Variants in ENAM observed in about 807,000 individuals in gnomAD.
ENAM encodes the protein enamelin.
A neutral mutation model predicts 33.6 loss-of-function variants in ENAM; 21 were observed. That is an observed-to-expected ratio of 0.63 (90% CI 0.44 to 0.90). ENAM has a LOEUF of 0.90. Among genes scored for constraint, ENAM ranks in the 40% least tolerant of loss-of-function variants. The pLI, the probability that ENAM is intolerant of heterozygous loss-of-function variation, is 0.00. For synonymous variants in ENAM, 473 were observed against 468.4 expected, an observed-to-expected ratio of 1.01 and a Z score of -0.13; for missense variants, 1,388 against 1,366.9, an observed-to-expected ratio of 1.02 and a Z score of -0.24.
chr4:70,632,719 A>T (rs1313918216), intron 5 of ENAM, 27 bp downstream of exon 5: 2 of 1,516,298 alleles, frequency 1.3e-6, no homozygotes, highest in South Asian at 2.2e-5. Flanking sequence ...GTTATTTCTG[A>T]TGATTTCTTG....
intron 5 of ENAM, among the ~76,000 whole-genome samples, chr4:70,633,924 T>A (rs953125545): frequency 1.3e-5 from 2 of 152,176 alleles, no homozygotes; most frequent in Non-Finnish European, 2.9e-5. Context: ...TATTTTTGTT[T>A]TTTCTCTTCT....
Position 70,644,180 on chromosome 4 carries a change from G to A in ENAM, c.2754G>A (p.Gln918=). Residue 918 remains glutamine, a synonymous_variant, in exon 9 of 9, where the codon CAG becomes CAA. Coordinates refer to ENST00000396073, the MANE Select transcript of ENAM (RefSeq NM_031889.3). ...PLYTDGSHTK[Q]TRDIISPTSI... ...ATACAGACGGTAGTCATACCAAGCA[G>A]ACAAGAGATATCATCTCCCCAACAA... 1 of 1,614,074 alleles carries A rather than the reference G, an allele frequency of 6.2e-7. No homozygotes were observed. The highest frequency in any genetic ancestry group is 8.5e-7 in the Non-Finnish European group (1 of 1,180,016).
chr4:70,634,463 C>T lies in ENAM; in HGVS notation c.366C>T (p.Thr122=). The change falls in exon 6 of 9, where the codon ACC becomes ACT. Residue 122 remains threonine, a synonymous_variant. Coordinates refer to ENST00000396073, the MANE Select transcript of ENAM (RefSeq NM_031889.3). ...RHNKTDQTQE[T]QKPNQTQSKK... is the part of the protein sequence containing the mutation. Reference sequence around the variant, plus strand: ...ACAAGACTGATCAGACCCAAGAAACCCAGAAACCCAACCAGACTCAGTCAA... The same window carrying T: ...ACAAGACTGATCAGACCCAAGAAACTCAGAAACCCAACCAGACTCAGTCAA... 6.2e-7 allele frequency: 1 copy of T among 1,614,038 alleles called. No individual in the cohort carries two copies. The highest frequency in any genetic ancestry group is 8.5e-7 in the Non-Finnish European group (1 of 1,179,998).
Position 70,643,205 on chromosome 4 carries a change from T to C in ENAM, c.1779T>C (p.Gly593=). The change falls in exon 9 of 9, where the codon GGT becomes GGC. Residue 593 remains glycine, a synonymous_variant. Coordinates refer to ENST00000396073, the MANE Select transcript of ENAM (RefSeq NM_031889.3). The part of the protein sequence containing the change: ...QEEHLPHPSH[G]SRGSVFYPEY... Reference sequence around the variant, plus strand: ...AACATTTACCCCATCCTTCCCATGGTTCTAGAGGAAGTGTTTTCTACCCTG... The same window carrying C: ...AACATTTACCCCATCCTTCCCATGGCTCTAGAGGAAGTGTTTTCTACCCTG... 6.2e-7 allele frequency: 1 copy of C among 1,613,660 alleles called. No homozygotes were observed. The highest frequency in any genetic ancestry group is 8.5e-7 in the Non-Finnish European group (1 of 1,179,910).
chr4:70,633,053 C>T (rs1313593461), intron 5 of ENAM, among the ~76,000 whole-genome samples: 5 of 151,966 alleles, frequency 3.3e-5, no homozygotes, highest in African/African-American at 1.2e-4. Flanking sequence ...GTAAGTTTTA[C>T]TTGGATTATC....
chr4:70,633,147 T>C (rs1405812982), intron 5 of ENAM, among the ~76,000 whole-genome samples: 1 of 152,094 alleles, frequency 6.6e-6, no homozygotes, highest in Non-Finnish European at 1.5e-5. Flanking sequence ...ATGCTAATTG[T>C]CAGAACAGAC....
rs1738661029 is a variant in ENAM at position 70,643,378 on chromosome 4, A to C, written c.1952A>C (p.Tyr651Ser). 1 of 1,614,054 alleles carries C rather than the reference A, an allele frequency of 6.2e-7. No individual in the cohort carries two copies. Among genetic ancestry groups the C allele is most frequent in the African/African-American group, 1.3e-5 (1 of 74,926 alleles). The stretch of plus-strand genomic sequence containing the variant: ...CCAGACCAGAAGGAGATAGTCCCTT[A>C]TAATGAAGAGGACCCAGTTGATCCA... Reference protein sequence around the residue: ...NTPDQKEIVPYNEEDPVDPTG... With the variant: ...NTPDQKEIVPSNEEDPVDPTG... The change falls in exon 9 of 9, where the codon TAT becomes TCT. Residue 651 changes from tyrosine (Y) to serine (S), a missense_variant. Physicochemically the swap from Tyr to Ser is moderately radical, Grantham distance 144. Transcript: ENST00000396073.
In ENAM at chr4:70,644,636, C is replaced by T. The variant is rs186447830; in HGVS notation, c.3210C>T (p.Thr1070=). Residue 1070 remains threonine (T), a synonymous_variant, in exon 9 of 9, where the codon ACC becomes ACT. Transcript: ENST00000396073. ...SKLAKHHSST[T]GTPSSDGRQS... ...TAGCAAAGCATCACTCTTCCACCAC[C>T]GGAACTCCATCTAGCGATGGAAGGC... 6.9e-5 allele frequency: 112 copies of T among 1,613,750 alleles called. No homozygotes were observed. The highest frequency in any genetic ancestry group is 9.0e-5 in the Non-Finnish European group (106 of 1,179,852).
intron 5 of ENAM, among the ~76,000 whole-genome samples, chr4:70,633,899 T>C (rs1738384771): frequency 1.3e-5 from 2 of 152,176 alleles, no homozygotes; most frequent in Admixed American, 6.6e-5. Flanking sequence ...GTTTACAGTC[T>C]CACTTCCTTT....
chr4:70,633,207 A>G (rs141926401), intron 5 of ENAM, among the ~76,000 whole-genome samples: 18 of 152,252 alleles, frequency 1.2e-4, no homozygotes, highest in African/African-American at 4.3e-4. Flanking sequence ...ATAAAATTGT[A>G]TGTTAGCATA....
chr4:70,638,076 T>C (rs1487544455), intron 8 of ENAM, among the ~76,000 whole-genome samples: 1 of 152,214 alleles, frequency 6.6e-6, no homozygotes, highest in Non-Finnish European at 1.5e-5. Context: ...TAGAATGTTA[T>C]CCTCAAGAGG....
In ENAM at chr4:70,642,967, A is replaced by G. The variant is rs1193519501; in HGVS notation, c.1541A>G (p.Gln514Arg). 1 of 1,614,228 alleles carries G rather than the reference A, an allele frequency of 6.2e-7. No homozygotes were observed. Residue 514 changes from glutamine to arginine, a missense_variant, in exon 9 of 9, where the codon CAG (glutamine) becomes CGG (arginine). Gln to Arg is a conservative substitution (Grantham distance 43). Transcript: ENST00000396073. ...AATTCTGATGGACAAACCCAAAGCC[A>G]GAATTTGCCCAAAGGGATTGTTTTA... Reference protein sequence around the residue: ...VPNSDGQTQSQNLPKGIVLGS... With the variant: ...VPNSDGQTQSRNLPKGIVLGS...
In ENAM at chr4:70,643,431, A is replaced by G; in HGVS notation, c.2005A>G (p.Asn669Asp). The change falls in exon 9 of 9, where the codon AAT (asparagine) becomes GAT (aspartate). Residue 669 changes from asparagine (N) to aspartate (D), a missense_variant. By Grantham distance (23) the Asn-to-Asp change is conservative. Transcript: ENST00000396073. The part of the protein sequence containing the change: ...PTGDEVFPGQ[N>D]RWGEELSFKG... Reference sequence around the variant, plus strand: ...TGGAGATGAAGTCTTTCCTGGACAAAATAGATGGGGTGAAGAGTTGAGCTT... The same window carrying G: ...TGGAGATGAAGTCTTTCCTGGACAAGATAGATGGGGTGAAGAGTTGAGCTT... The G allele has an allele frequency of 6.2e-7, 1 of 1,614,176 alleles. No homozygotes were observed. The highest frequency in any genetic ancestry group is 1.1e-5 in the South Asian group (1 of 91,080).
chr4:70,638,412 C>G (rs1339767489), intron 8 of ENAM, among the ~76,000 whole-genome samples: 5 of 139,948 alleles, frequency 3.6e-5, no homozygotes, highest in Non-Finnish European at 7.6e-5. Context: ...ACTGTGGTAA[C>G]TTAATAGCTT....
Position 70,637,830 on chromosome 4 carries a change from A to G in ENAM, c.575A>G (p.Asn192Ser). The G allele has an allele frequency of 6.2e-7, 1 of 1,612,702 alleles. No homozygotes were observed. The highest frequency in any genetic ancestry group is 1.1e-5 in the South Asian group (1 of 91,062). The part of the protein sequence containing the change: ...PPGYGRPPIS[N>S]EEGGNPYFGY... ...GGTTATGGACGCCCACCAATCAGCA[A>G]TGAAGAAGGGGGGGTAAGTACAAGT... The change falls in exon 8 of 9, where the codon AAT (asparagine) becomes AGT (serine). Residue 192 changes from asparagine to serine, a missense_variant. Asn to Ser is a conservative substitution (Grantham distance 46). Coordinates refer to ENST00000396073, the MANE Select transcript of ENAM (RefSeq NM_031889.3).
In ENAM at chr4:70,642,749, G is replaced by T. The variant is rs761614730; in HGVS notation, c.1323G>T (p.Leu441=). 7.5e-6 allele frequency: 12 copies of T among 1,609,186 alleles called. No individual in the cohort carries two copies. In the South Asian group the frequency reaches 1.3e-4, roughly 18 times the overall value. ...EKIQNPKEKP[L]GPKEQIIVPT... Reference sequence around the variant, plus strand: ...TCCAAAATCCAAAGGAGAAGCCCCTGGGTCCAAAAGAACAAATAATAGTTC... The same window carrying T: ...TCCAAAATCCAAAGGAGAAGCCCCTTGGTCCAAAAGAACAAATAATAGTTC... Residue 441 remains leucine (L), a synonymous_variant, in exon 9 of 9, where the codon CTG becomes CTT. Transcript: ENST00000396073.
chr4:70,642,775 C>T lies in ENAM; in HGVS notation c.1349C>T (p.Pro450Leu), dbSNP rs753034807. ...GGTCCAAAAGAACAAATAATAGTTC[C>T]TACAAAGAATCCAACCAGCCCCTGG... ...PLGPKEQIIV[P>L]TKNPTSPWRN... Residue 450 changes from proline (P) to leucine (L), a missense_variant, in exon 9 of 9, where the codon CCT becomes CTT. By Grantham distance (98) the Pro-to-Leu change is moderately conservative (BLOSUM62 -3). Transcript: ENST00000396073. 2 of 1,613,088 alleles carry T rather than the reference C, an allele frequency of 1.2e-6. No homozygotes were observed. The highest frequency in any genetic ancestry group is 3.3e-5 in the Admixed American group (2 of 59,776).
At position 70,631,720 on chromosome 4, in the gene ENAM, TA is replaced by T. The variant is rs1442845757; in HGVS notation, c.107del (p.Asn36IlefsTer22). The T allele has an allele frequency of 2.7e-5, 44 of 1,613,514 alleles. No homozygotes were observed. The highest frequency in any genetic ancestry group is 3.5e-5 in the Non-Finnish European group (41 of 1,179,510). On this transcript the variant is annotated frameshift_variant, in exon 3 of 9. Coordinates refer to ENST00000396073, the MANE Select transcript of ENAM (RefSeq NM_031889.3). LOFTEE classifies it high-confidence loss of function. ...TCCTGGTCTTTCTAGGGCTTCTTGG[TA>T]ATTCTGTTGCTATGCCAGTGAGTAT... is the stretch of plus-strand genomic sequence containing the variant. ...ILLVFLGLLGNSVAMPMHMPR... is the reference protein window; with the variant it reads ...ILLVFLGLLGXSVAMPMHMPR...
In ENAM at chr4:70,643,052, A is replaced by T. The variant is rs764209573; in HGVS notation, c.1626A>T (p.Ser542=). The T allele has an allele frequency of 3.7e-6, 6 of 1,611,568 alleles. No individual in the cohort carries two copies. The East Asian group carries it at 1.3e-4, about 36-fold the overall frequency. Residue 542 remains serine (S), a synonymous_variant, in exon 9 of 9, where the codon TCA becomes TCT. Transcript: ENST00000396073. ...ATCAGTCAGAATTAAAGCACAGCTCATATCAGCCTGCTGTATACCCTGAGG... is the reference window on the plus strand; with the variant it reads ...ATCAGTCAGAATTAAAGCACAGCTCTTATCAGCCTGCTGTATACCCTGAGG... The part of the protein sequence containing the change: ...ETNQSELKHS[S]YQPAVYPEEI...
Sources: gnomAD v4.1 joint callset for allele counts (sites outside exome capture counted in the v4.1 genomes callset) on GRCh38, gnomAD v4.1.1 for gene constraint, MANE v1.5 for transcripts, NCBI Gene and HGNC (gene_info 2026-07-23, HGNC 2026-07-21) for gene names.